The following TUB variants were observed in gnomAD, a reference collection of about 807,000 sequenced individuals.
The protein encoded by TUB is TUB bipartite transcription factor, also known as tubby protein homolog.
TUB carries 33 observed loss-of-function variants against 59.7 expected under a neutral mutation model. The ratio of observed to expected loss-of-function variants is 0.55; its 90% CI spans 0.42 to 0.74. TUB has a LOEUF of 0.74. TUB is among the 30% of genes least tolerant of loss of function. TUB has a pLI of 0.00. For synonymous variants in TUB, 293 were observed against 256.4 expected, an observed-to-expected ratio of 1.14 and a Z score of -1.36; for missense variants, 659 against 672.0, an observed-to-expected ratio of 0.98 and a Z score of 0.21.
At chr11:8,073,248 A>G (rs1589950630) in intron 2 of TUB, among the ~76,000 whole-genome samples, 1 of 152,198 alleles carries the variant, frequency 6.6e-6, no homozygotes, top group South Asian at 2.1e-4. Context: ...TCTGATATTT[A>G]GAATCAGCAG....
chr11:8,048,992 C>T (rs4758273), intron 2 of TUB, among the ~76,000 whole-genome samples: 152,279 of 152,324 alleles, frequency 1, 76,117 homozygotes, highest in Non-Finnish European at 1. Context: ...TCCCATGGTA[C>T]AGCTAAAGCT....
upstream of TUB, chr11:8,077,240 T>TC (rs1393021924): frequency 2.6e-5 from 4 of 152,194 alleles, no homozygotes. Flanking sequence ...CCTCTAGTGG[T>TC]CCCCCACTGG....
intron 2 of TUB, among the ~76,000 whole-genome samples, chr11:8,057,053 C>T (rs1943031289): frequency 6.6e-6 from 1 of 152,062 alleles, no homozygotes; most frequent in Admixed American, 6.5e-5. Context: ...CTCAGGATCC[C>T]AGCTCTGGCA....
chr11:8,057,612 CA>C (rs1446322717), intron 2 of TUB, among the ~76,000 whole-genome samples: 1 of 107,878 alleles, frequency 9.3e-6, no homozygotes, highest in Non-Finnish European at 2.3e-5. Context: ...GTCCAGGTGC[CA>C]GGGGTAATTA....
At chr11:8,058,883 TATTTC>T (rs1412918463) in intron 2 of TUB, among the ~76,000 whole-genome samples, 1 of 152,258 alleles carries the variant, frequency 6.6e-6, no homozygotes, top group Non-Finnish European at 1.5e-5. Flanking sequence ...GAATATTGGA[TATTTC>T]ATTAGTATTT....
chr11:8,105,817 G>A lies in TUB; in HGVS notation c.*4198G>A, dbSNP rs1475373444. On this transcript the variant is annotated 3_prime_UTR_variant, in exon 12 of 12. Transcript: ENST00000299506. ...CCTGTCCCTCCCTCCCCCTAGCAAG[G>A]TCCAGGCAAAGCTGGAGATGAGGCT... The A allele has an allele frequency of 1.3e-5, 2 of 152,032 alleles. No individual in the cohort carries two copies. Among genetic ancestry groups the A allele is most frequent in the Non-Finnish European group, 1.5e-5 (1 of 68,004 alleles). 9.4% of individuals were successfully genotyped at this position (152,032 alleles called of 1,614,324 possible). A position where few individuals can be genotyped will look rare whatever the true frequency, so the allele number is the denominator to read the frequency against.
At chr11:8,061,406 G>A (rs968268309) in intron 2 of TUB, among the ~76,000 whole-genome samples, 8 of 152,148 alleles carry the variant, frequency 5.3e-5, no homozygotes, top group African/African-American at 1.4e-4. Flanking sequence ...TCAGGATGGG[G>A]GTGGAAACAC....
intron 1 of TUB, among the ~76,000 whole-genome samples, chr11:8,087,933 C>A (rs1340593484): frequency 6.6e-6 from 1 of 152,214 alleles, no homozygotes; most frequent in East Asian, 1.9e-4. Context: ...TATTTAGGGA[C>A]CTGGTTGCAT....
chr11:8,078,135 AG>A (rs969083990), upstream of TUB, among the ~76,000 whole-genome samples: 14 of 152,030 alleles, frequency 9.2e-5, no homozygotes, highest in Non-Finnish European at 1.8e-4. Context: ...TGCTTGGGAG[AG>A]GGGGTGGCCC....
chr11:8,039,668 G>A lies in TUB; in HGVS notation c.179G>A (p.Trp60Ter). Residue 60 changes from tryptophan to a stop codon, truncating the protein, a stop_gained, in exon 2 of 13, where the codon TGG (tryptophan) becomes TAG (stop). Transcript: ENST00000305253. LOFTEE classifies it high-confidence loss of function. ...AGGAGAACAACCAGGAGGAAGTACT[G>A]GAAGGAAGGAAGGGAGATCGCTCGG... 1 of 1,536,274 alleles carries A rather than the reference G, an allele frequency of 6.5e-7. No individual in the cohort carries two copies. The highest frequency in any genetic ancestry group is 2.5e-5 in the East Asian group (1 of 40,548).
rs1159889064 is a variant in TUB at position 8,103,164 on chromosome 11, T to G, written c.*1545T>G. 6.6e-6 allele frequency: 1 copy of G among 152,156 alleles called. No individual in the cohort carries two copies. Among genetic ancestry groups the G allele is most frequent in the East Asian group, 1.9e-4 (1 of 5,176 alleles). 9.4% of individuals were successfully genotyped at this position (152,156 alleles called of 1,614,324 possible). A position where few individuals can be genotyped will look rare whatever the true frequency, so the allele number is the denominator to read the frequency against. The stretch of plus-strand genomic sequence containing the variant: ...CTCGGTCTAGGTGGGAGAGAGTGCA[T>G]AAAGGTTCTGGGGCTGGGCCTGAGC... On this transcript the variant is annotated 3_prime_UTR_variant, in exon 12 of 12. Coordinates refer to ENST00000299506, the MANE Select transcript of TUB (RefSeq NM_177972.3).
At chr11:8,024,945 A>G (rs1200233023) in intron 1 of TUB, among the ~76,000 whole-genome samples, 1 of 152,262 alleles carries the variant, frequency 6.6e-6, no homozygotes, top group Non-Finnish European at 1.5e-5. Context: ...ATTATTGCTT[A>G]TATGGCTTTA....
In TUB at chr11:8,081,441, A is replaced by G; in HGVS notation, c.-70A>G. 1.5e-6 allele frequency: 2 copies of G among 1,323,494 alleles called. No individual in the cohort carries two copies. Among genetic ancestry groups the G allele is most frequent in the Non-Finnish European group, 1.9e-6 (2 of 1,037,378 alleles). 82.0% of individuals were successfully genotyped at this position (1,323,494 alleles called of 1,614,324 possible). A position where few individuals can be genotyped will look rare whatever the true frequency, so the allele number is the denominator to read the frequency against. ...GCCCGGGGCGGCCCGGGAGCTGAGC[A>G]GGGCCCCCGCGCCGGCCCCTCCGGG... On this transcript the variant is annotated 5_prime_UTR_variant, in exon 1 of 12. Transcript: ENST00000299506.
chr11:8,029,257 A>C (rs981797064), intron 1 of TUB, among the ~76,000 whole-genome samples: 1 of 152,326 alleles, frequency 6.6e-6, no homozygotes, highest in South Asian at 2.1e-4. Flanking sequence ...TTGAAGAAGT[A>C]GCCAAATTCT....
chr11:8,040,723 G>A lies in TUB; in HGVS notation c.203+1031G>A, dbSNP rs142734078. Among the ~76,000 whole-genome samples the A allele has an allele frequency of 3.0e-3, 464 of 152,330 alleles. 3 individuals are homozygous for A. Among genetic ancestry groups the A allele is most frequent in the African/African-American group, 0.011 (446 of 41,556 alleles). ...TTGGGAAGGAGCAGTAGGAGGAGGA[G>A]GGGTGCAAGTAGTGAACCCCAGAGG... is the stretch of plus-strand genomic sequence containing the variant. On this transcript the variant is annotated intron_variant, in intron 2 of 12. Coordinates refer to the TUB transcript ENST00000305253.
At chr11:8,094,894 C>T (rs1007823745) in intron 4 of TUB, among the ~76,000 whole-genome samples, 25 of 152,334 alleles carry the variant, frequency 1.6e-4, no homozygotes, top group Middle Eastern at 3.4e-3. Context: ...GCTCAGTAGG[C>T]GGGCAGGGTG....
At chr11:8,019,366 G>A in intron 1 of TUB, 2 of 1,252,748 alleles carry the variant, frequency 1.6e-6, no homozygotes, top group African/African-American at 1.5e-5. Flanking sequence ...CAGGTAGGGC[G>A]CCCGAAGGGT....
chr11:8,033,002 C>G (rs952166986), intron 1 of TUB, among the ~76,000 whole-genome samples: 1 of 152,152 alleles, frequency 6.6e-6, no homozygotes, highest in Non-Finnish European at 1.5e-5. Context: ...CTGTCACTCC[C>G]TCTGTTGGCT....
At chr11:8,092,814 A>C (rs1564918774) in intron 3 of TUB, among the ~76,000 whole-genome samples, 1 of 152,144 alleles carries the variant, frequency 6.6e-6, no homozygotes, top group Non-Finnish European at 1.5e-5. Context: ...CTACAGCATT[A>C]GTTGCCTCCC....
Sources: allele counts gnomAD v4.1 joint callset (sites outside exome capture counted in the v4.1 genomes callset), GRCh38; gene constraint gnomAD v4.1.1; transcripts MANE v1.5; gene names NCBI Gene and HGNC (gene_info 2026-07-23, HGNC 2026-07-21).